Variants in CACNA2D1 observed in about 807,000 individuals in gnomAD.
The protein encoded by CACNA2D1 is calcium voltage-gated channel auxiliary subunit alpha2delta 1.
Under a neutral mutation model 171.5 loss-of-function variants are expected in CACNA2D1, and 53 were observed. That is an observed-to-expected ratio of 0.31 (90% confidence interval 0.25 to 0.39). CACNA2D1 has a LOEUF of 0.39. Among genes scored for constraint, CACNA2D1 ranks in the 10% least tolerant of loss-of-function variants. The probability of loss-of-function intolerance (pLI) is 1.00; values close to 1 mark genes in which losing one functional copy is unlikely to be tolerated. For synonymous variants in CACNA2D1, 442 were observed against 443.1 expected (o/e 1.00, Z 0.03); for missense variants, 903 against 1,299.8 (o/e 0.69, Z 4.69).
chr7:82,395,901 C>T (rs1825706054), intron 1 of CACNA2D1, among the ~76,000 whole-genome samples: 1 of 152,180 alleles, frequency 6.6e-6, no homozygotes, highest in South Asian at 2.1e-4. Context: ...GGGCATAAAA[C>T]ACATTCCCAA....
At chr7:82,159,046 T>C (rs1019252990) in intron 4 of CACNA2D1, among the ~76,000 whole-genome samples, 8 of 151,896 alleles carry the variant, frequency 5.3e-5, no homozygotes, top group Non-Finnish European at 1.2e-4. Context: ...TATTTTCTAA[T>C]AACTTAAGAC....
At chr7:82,410,356 A>G (rs1286301698) in intron 1 of CACNA2D1, 2 of 214,630 alleles carry the variant, frequency 9.3e-6, no homozygotes, top group African/African-American at 4.7e-5. Context: ...CTTATGAATC[A>G]ATCCATCATA....
At chr7:82,018,635 C>T (rs1800799049) in intron 12 of CACNA2D1, among the ~76,000 whole-genome samples, 1 of 152,092 alleles carries the variant, frequency 6.6e-6, no homozygotes, top group South Asian at 2.1e-4. Flanking sequence ...TCTGGATTCA[C>T]ACATAGTTAT....
At chr7:82,382,679 G>A (rs139982144) in intron 1 of CACNA2D1, among the ~76,000 whole-genome samples, 2 of 152,264 alleles carry the variant, frequency 1.3e-5, no homozygotes, top group African/African-American at 4.8e-5. Context: ...AGTGTAAGGG[G>A]ACCACCTCCT....
Position 82,420,794 on chromosome 7 carries a change from C to T in CACNA2D1, c.95+22571G>A, listed in dbSNP as rs1319247749. ...TGGATCAAATTTTTGACCTTCAATTCAGAATGACAAAAAATAGAAAAATCA... is the reference window on the plus strand; with the variant it reads ...TGGATCAAATTTTTGACCTTCAATTTAGAATGACAAAAAATAGAAAAATCA... On this transcript the variant is annotated intron_variant, in intron 1 of 38. Coordinates refer to ENST00000356860, the MANE Select transcript of CACNA2D1 (RefSeq NM_000722.4). Among the ~76,000 whole-genome samples the T allele has an allele frequency of 1.3e-5, 2 of 148,966 alleles. 1 individual carries two copies. The highest frequency in any genetic ancestry group is 5.0e-5 in the African/African-American group (2 of 40,342).
rs552881251 is a variant in CACNA2D1 at position 82,178,382 on chromosome 7, T to C, written c.295-7773A>G. ...CTTTTAGCAGTATGAAAATAAATAATACACAACAATTATCATACCTTCTTT... is the reference window on the plus strand; with the variant it reads ...CTTTTAGCAGTATGAAAATAAATAACACACAACAATTATCATACCTTCTTT... On this transcript the variant is annotated intron_variant, in intron 3 of 38. Transcript: ENST00000356860. 5.9e-5 allele frequency among the ~76,000 whole-genome samples: 9 copies of C among 152,268 alleles called. No individual in the cohort carries two copies. The South Asian group carries it at 1.9e-3, about 32-fold the overall frequency.
intron 1 of CACNA2D1, among the ~76,000 whole-genome samples, chr7:82,427,375 A>G (rs1181573456): frequency 2.6e-5 from 4 of 152,198 alleles, no homozygotes; most frequent in Non-Finnish European, 4.4e-5. Context: ...CATGAATGAC[A>G]ATTCTGTAAC....
intron 38 of CACNA2D1, among the ~76,000 whole-genome samples, chr7:81,953,720 T>C (rs1792876670): frequency 6.6e-6 from 1 of 152,134 alleles, no homozygotes; most frequent in African/African-American, 2.4e-5. Flanking sequence ...CATTGTCACT[T>C]AAACAGGAGT....
At chr7:82,242,957 C>T (rs930002344) in intron 3 of CACNA2D1, among the ~76,000 whole-genome samples, 4 of 152,052 alleles carry the variant, frequency 2.6e-5, no homozygotes, top group Admixed American at 2.0e-4. Context: ...GAAAGTTTAT[C>T]TTGTTTTAAA....
chr7:82,089,770 T>C (rs1339608223), intron 6 of CACNA2D1, among the ~76,000 whole-genome samples: 1 of 152,194 alleles, frequency 6.6e-6, no homozygotes. Flanking sequence ...ATACAGAATA[T>C]TTGACGAGCT....
intron 3 of CACNA2D1, among the ~76,000 whole-genome samples, chr7:82,293,047 A>C (rs1021416864): frequency 4.0e-5 from 6 of 151,674 alleles, no homozygotes; most frequent in Non-Finnish European, 7.4e-5. Context: ...CTATGACTTT[A>C]TCTTCTATTT....
intron 1 of CACNA2D1, among the ~76,000 whole-genome samples, chr7:82,416,526 G>A (rs2129456239): frequency 6.6e-6 from 1 of 152,232 alleles, no homozygotes; most frequent in Admixed American, 6.5e-5. Flanking sequence ...AGCTCTCAGG[G>A]AAGATCTGTT....
intron 3 of CACNA2D1, among the ~76,000 whole-genome samples, chr7:82,198,496 C>T (rs976277973): frequency 6.6e-6 from 1 of 151,990 alleles, no homozygotes; most frequent in Non-Finnish European, 1.5e-5. Flanking sequence ...CATCGTGATA[C>T]CATGCTGGGA....
At position 82,395,112 on chromosome 7, in the gene CACNA2D1, C is replaced by T. The variant is rs1454097517; in HGVS notation, c.96-45463G>A. Among the ~76,000 whole-genome samples the T allele has an allele frequency of 2.0e-5, 3 of 151,922 alleles. No individual in the cohort carries two copies. In the East Asian group the frequency reaches 5.8e-4, roughly 29 times the overall value. On this transcript the variant is annotated intron_variant, in intron 1 of 38. Transcript: ENST00000356860. ...CTATGGGCAGATAATATAGTCATTC[C>T]ACTTTGCAGATCTTTTCAAAAAAAT... is the stretch of plus-strand genomic sequence containing the variant.
chr7:82,063,303 A>G (rs909070954), intron 9 of CACNA2D1, among the ~76,000 whole-genome samples: 16 of 152,298 alleles, frequency 1.1e-4, no homozygotes, highest in East Asian at 5.8e-4. Flanking sequence ...GGATTAGCAT[A>G]TAAGATCCAT....
chr7:82,057,721 C>T (rs1038577408), intron 10 of CACNA2D1, among the ~76,000 whole-genome samples: 33 of 152,002 alleles, frequency 2.2e-4, no homozygotes, highest in African/African-American at 7.5e-4. Flanking sequence ...GCAGAAACCA[C>T]CATTTGAATG....
At chr7:82,224,799 G>A (rs921035180) in intron 3 of CACNA2D1, among the ~76,000 whole-genome samples, 8 of 152,134 alleles carry the variant, frequency 5.3e-5, no homozygotes, top group Middle Eastern at 3.4e-3. Flanking sequence ...CAAAATGTGC[G>A]ATGACAGATG....
Position 82,363,254 on chromosome 7 carries a change from C to CTTTTTTTTTCT in CACNA2D1, c.96-13606_96-13605insAGAAAAAAAAA, listed in dbSNP as rs1821288933. On this transcript the variant is annotated intron_variant, in intron 1 of 38. Coordinates refer to ENST00000356860, the MANE Select transcript of CACNA2D1 (RefSeq NM_000722.4). ...CTACCATAGTTTTATTTATTTGTCT[C>CTTTTTTTTTCT]TTTTTTTTTTTTTTTTTTTTTTTTT... is the stretch of plus-strand genomic sequence containing the variant. Among the ~76,000 whole-genome samples the CTTTTTTTTTCT allele has an allele frequency of 9.5e-5, 6 of 63,420 alleles. 1 individual carries two copies. The highest frequency in any genetic ancestry group is 5.0e-4 in the African/African-American group (6 of 11,950). 41.6% of individuals were successfully genotyped at this position (63,420 alleles called of 152,430 possible). A position where few individuals can be genotyped will look rare whatever the true frequency, so the allele number is the denominator to read the frequency against.
intron 2 of CACNA2D1, among the ~76,000 whole-genome samples, chr7:82,343,892 C>G (rs922526840): frequency 6.6e-6 from 1 of 152,162 alleles, no homozygotes; most frequent in Non-Finnish European, 1.5e-5. Flanking sequence ...GCCAATAAAA[C>G]AATTTTTAAA....
Sources: gnomAD v4.1 joint callset for allele counts (sites outside exome capture counted in the v4.1 genomes callset) on GRCh38, gnomAD v4.1.1 for gene constraint, MANE v1.5 for transcripts, NCBI Gene and HGNC (gene_info 2026-07-23, HGNC 2026-07-21) for gene names.